The following SSBP2 variants were observed in gnomAD, a reference collection of about 807,000 sequenced individuals.
SSBP2 encodes single-stranded DNA-binding protein 2.
SSBP2 carries 17 observed loss-of-function variants against 61.8 expected under a neutral mutation model. The observed-to-expected ratio is 0.28, with a 90% confidence interval of 0.19 to 0.41. SSBP2 has a LOEUF of 0.41. Among genes scored for constraint, SSBP2 ranks in the 10% least tolerant of loss-of-function variants. The probability of loss-of-function intolerance (pLI) is 1.00; values close to 1 mark genes in which losing one functional copy is unlikely to be tolerated. For synonymous variants in SSBP2, 139 were observed against 141.3 expected, an observed-to-expected ratio of 0.98 and a Z score of 0.12; for missense variants, 310 against 458.7, an observed-to-expected ratio of 0.68 and a Z score of 2.96.
At chr5:81,579,087 A>G (rs1197787840) in intron 4 of SSBP2, among the ~76,000 whole-genome samples, 1 of 152,100 alleles carries the variant, frequency 6.6e-6, no homozygotes, top group Non-Finnish European at 1.5e-5. Flanking sequence ...CAGGGAAGGT[A>G]GCAAGAGGCA....
At chr5:81,750,771 G>A (rs1370912667) in intron 1 of SSBP2, 6 of 567,164 alleles carry the variant, frequency 1.1e-5, no homozygotes, top group South Asian at 6.3e-5. Context: ...CCCGCCGACA[G>A]CCCCCTGCGG....
intron 4 of SSBP2, among the ~76,000 whole-genome samples, chr5:81,565,384 C>T (rs1280073542): frequency 6.6e-6 from 1 of 152,110 alleles, no homozygotes; most frequent in Admixed American, 6.5e-5. Flanking sequence ...AATAAATTTA[C>T]TTCCTCACAT....
intron 4 of SSBP2, among the ~76,000 whole-genome samples, chr5:81,522,403 C>T (rs971055990): frequency 1.3e-5 from 2 of 151,820 alleles, no homozygotes; most frequent in Non-Finnish European, 2.9e-5. Context: ...TTTTTAAATA[C>T]AATTTTTATA....
chr5:81,563,769 TAAG>T (rs2153423094), intron 4 of SSBP2, among the ~76,000 whole-genome samples: 1 of 152,228 alleles, frequency 6.6e-6, no homozygotes, highest in South Asian at 2.1e-4. Flanking sequence ...GACTTAAACA[TAAG>T]ACCTGAAACC....
At chr5:81,430,259 G>T (rs1292769525) in intron 15 of SSBP2, among the ~76,000 whole-genome samples, 1 of 152,004 alleles carries the variant, frequency 6.6e-6, no homozygotes, top group Non-Finnish European at 1.5e-5. Flanking sequence ...AATTCTTTTG[G>T]ATTTCTGTCA....
chr5:81,673,477 CTT>C (rs1429122057), intron 1 of SSBP2, among the ~76,000 whole-genome samples: 3 of 152,114 alleles, frequency 2.0e-5, no homozygotes, highest in Admixed American at 2.0e-4. Context: ...ACAAATATGA[CTT>C]AACAACAGCC....
intron 4 of SSBP2, among the ~76,000 whole-genome samples, chr5:81,606,767 C>T (rs1018442631): frequency 2.0e-5 from 3 of 152,144 alleles, no homozygotes; most frequent in African/African-American, 7.2e-5. Flanking sequence ...AAGGCGTAGG[C>T]CTGTGAGAGG....
In SSBP2 at chr5:81,488,014, T is replaced by G. The variant is rs1170201614; in HGVS notation, c.432+1236A>C. 3.6e-3 allele frequency among the ~76,000 whole-genome samples: 28 copies of G among 7,700 alleles called. 1 individual carries two copies. In the African/African-American group the frequency reaches 0.04, roughly 11 times the overall value. 5.1% of individuals were successfully genotyped at this position (7,700 alleles called of 152,430 possible). Reference sequence around the variant, plus strand: ...CCTTCTTGTTTATGGCCAAATAATATATATATATATATATATATATATATA... The same window carrying G: ...CCTTCTTGTTTATGGCCAAATAATAGATATATATATATATATATATATATA... On this transcript the variant is annotated intron_variant, in intron 6 of 16. Transcript: ENST00000320672.
intron 1 of SSBP2, among the ~76,000 whole-genome samples, chr5:81,700,250 C>G (rs1410937709): frequency 6.6e-6 from 1 of 152,202 alleles, no homozygotes; most frequent in Non-Finnish European, 1.5e-5. Flanking sequence ...ATATCAATCT[C>G]TTTGCACATC....
intron 6 of SSBP2, among the ~76,000 whole-genome samples, chr5:81,481,187 C>T (rs540563806): frequency 1.3e-5 from 2 of 152,300 alleles, no homozygotes; most frequent in African/African-American, 2.4e-5. Context: ...GATATTTTGA[C>T]CTCTTTCCAT....
At chr5:81,549,653 C>G (rs1429066605) in intron 4 of SSBP2, among the ~76,000 whole-genome samples, 1 of 152,120 alleles carries the variant, frequency 6.6e-6, no homozygotes, top group Admixed American at 6.6e-5. Context: ...ATGAATGATT[C>G]ATACAAAAAT....
At chr5:81,573,301 T>C (rs1256297874) in intron 4 of SSBP2, among the ~76,000 whole-genome samples, 2 of 152,224 alleles carry the variant, frequency 1.3e-5, no homozygotes, top group African/African-American at 4.8e-5. Context: ...GATAATGAAA[T>C]GAAAAGATGC....
intron 4 of SSBP2, among the ~76,000 whole-genome samples, chr5:81,550,682 T>C (rs1380654588): frequency 2.0e-5 from 3 of 152,188 alleles, no homozygotes; most frequent in Non-Finnish European, 1.5e-5. Context: ...GACTTAACCA[T>C]GTAGATATAA....
chr5:81,716,641 GTCCTTAAGTATTCTTTTAAAAC>G (rs1223446643), intron 1 of SSBP2, among the ~76,000 whole-genome samples: 2 of 151,974 alleles, frequency 1.3e-5, no homozygotes, highest in Admixed American at 1.3e-4. Context: ...CTTTTCTGAT[GTCCTTAAGTATTCTTTTAAAAC>G]TCCTTAATAC....
intron 2 of SSBP2, among the ~76,000 whole-genome samples, chr5:81,642,625 T>C (rs1267336125): frequency 2.0e-5 from 3 of 152,340 alleles, no homozygotes; most frequent in Non-Finnish European, 4.4e-5. Context: ...AAATTTTACA[T>C]ATATGTAACA....
At chr5:81,566,967 G>A (rs900040530) in intron 4 of SSBP2, among the ~76,000 whole-genome samples, 2 of 152,182 alleles carry the variant, frequency 1.3e-5, no homozygotes, top group Non-Finnish European at 2.9e-5. Flanking sequence ...AAGCAGCAAA[G>A]CATTCAAGAG....
At chr5:81,729,666 A>G (rs1756125659) in intron 1 of SSBP2, among the ~76,000 whole-genome samples, 1 of 152,088 alleles carries the variant, frequency 6.6e-6, no homozygotes, top group African/African-American at 2.4e-5. Flanking sequence ...TAAAATGAAC[A>G]TGTTTCATAC....
intron 1 of SSBP2, among the ~76,000 whole-genome samples, chr5:81,744,071 AC>A (rs1488532311): frequency 6.6e-6 from 1 of 152,240 alleles, no homozygotes; most frequent in East Asian, 1.9e-4. Context: ...AGAAAACAGT[AC>A]CTACAGCCTA....
At chr5:81,506,691 T>C (rs1768207236) in intron 5 of SSBP2, among the ~76,000 whole-genome samples, 1 of 152,144 alleles carries the variant, frequency 6.6e-6, no homozygotes, top group South Asian at 2.1e-4. Flanking sequence ...ACTATATGTA[T>C]ATAAACGGCT....
Sources: gnomAD v4.1 joint callset for allele counts (sites outside exome capture counted in the v4.1 genomes callset) on GRCh38, gnomAD v4.1.1 for gene constraint, MANE v1.5 for transcripts, NCBI Gene and HGNC (gene_info 2026-07-23, HGNC 2026-07-21) for gene names.